Variants in ALS2 observed in about 807,000 individuals in gnomAD.
ALS2 encodes alsin.
ALS2 carries 117 observed loss-of-function variants against 203.4 expected under a neutral mutation model. The observed-to-expected ratio is 0.58, with a 90% CI of 0.50 to 0.67. ALS2 has a LOEUF of 0.67. Among genes scored for constraint, ALS2 ranks in the 30% least tolerant of loss-of-function variants. The probability of loss-of-function intolerance (pLI) is 0.00; values close to 1 mark genes in which losing one functional copy is unlikely to be tolerated. For synonymous variants in ALS2, 718 were observed against 725.9 expected (o/e 0.99, Z 0.17); for missense variants, 1,715 against 1,989.4 (o/e 0.86, Z 2.62).
chr2:201,720,838 T>A (rs957274142), intron 23 of ALS2, among the ~76,000 whole-genome samples: 18 of 152,012 alleles, frequency 1.2e-4, no homozygotes, highest in African/African-American at 4.4e-4. Context: ...CTCTAGCCAG[T>A]GCAACTGGAC....
intron 23 of ALS2, among the ~76,000 whole-genome samples, chr2:201,721,522 G>A (rs571227597): frequency 1.3e-5 from 2 of 152,238 alleles, no homozygotes; most frequent in Admixed American, 1.3e-4. Flanking sequence ...GGTCAACAAA[G>A]GTGCCAAGAT....
intron 11 of ALS2, among the ~76,000 whole-genome samples, chr2:201,740,524 C>G (rs1350708078): frequency 9.0e-6 from 1 of 111,646 alleles, no homozygotes; most frequent in East Asian, 2.2e-4. Context: ...CCAGTAAAAG[C>G]TGGAATCACA....
chr2:201,765,753 T>C (rs75586945), intron 3 of ALS2: 1 of 167,118 alleles, frequency 6.0e-6, no homozygotes, highest in African/African-American at 2.4e-5. Context: ...TAAAGGTACC[T>C]CTATAAATTA....
intron 12 of ALS2, among the ~76,000 whole-genome samples, chr2:201,735,851 T>C (rs115585280): frequency 0.029 from 4,487 of 152,298 alleles, 175 homozygotes; most frequent in African/African-American, 0.096. Context: ...ATTTAAACTG[T>C]CACAAGTCTC....
At chr2:201,755,389 A>C (rs1693321579) in intron 5 of ALS2, among the ~76,000 whole-genome samples, 1 of 151,948 alleles carries the variant, frequency 6.6e-6, no homozygotes, top group Non-Finnish European at 1.5e-5. Context: ...CAGCCTCCTG[A>C]GTAGCTAGGA....
intron 5 of ALS2, among the ~76,000 whole-genome samples, chr2:201,757,161 G>C (rs980722330): frequency 2.0e-5 from 3 of 152,102 alleles, no homozygotes; most frequent in African/African-American, 7.2e-5. Flanking sequence ...AATAAAATAA[G>C]ATTCACAATA....
rs1284281267 is a variant in ALS2, at chr2:201,727,763, G to A, written c.2854C>T (p.His952Tyr). The change falls in exon 16 of 34, where the codon CAT (histidine) becomes TAT (tyrosine). Residue 952 changes from histidine (H) to tyrosine (Y), a missense_variant. This residue lies in a region of ALS2 where 1,227 missense variants were observed against 1,413.5 expected (regional missense o/e 0.87). Transcript: ENST00000264276. ...ALVHAQFSTH[H>Y]VFPLATLWAE... is the part of the protein sequence containing the mutation. ...CACAGCGTGGCCAGAGGGAAAACATGGTGCGTGGAGAACTGAAACAGAGAA... is the reference window on the plus strand; with the variant it reads ...CACAGCGTGGCCAGAGGGAAAACATAGTGCGTGGAGAACTGAAACAGAGAA... 6.4e-7 allele frequency: 1 copy of A among 1,551,654 alleles called. No homozygotes were observed. The highest frequency in any genetic ancestry group is 1.2e-5 in the South Asian group (1 of 84,062).
intron 1 of ALS2, among the ~76,000 whole-genome samples, chr2:201,769,249 T>A (rs1337237309): frequency 1.3e-5 from 2 of 152,152 alleles, no homozygotes; most frequent in African/African-American, 4.8e-5. Flanking sequence ...AAAAGTTCAA[T>A]CTGAAAAATC....
At chr2:201,741,531 T>C (rs1574741382) in intron 11 of ALS2, 143 bp downstream of exon 11, 1 of 872,152 alleles carries the variant, frequency 1.1e-6, no homozygotes, top group Non-Finnish European at 1.8e-6. Flanking sequence ...AGAACTATAG[T>C]TGGCTTAAGA....
intron 10 of ALS2, among the ~76,000 whole-genome samples, chr2:201,742,096 T>TA (rs1254523290): frequency 3.9e-5 from 6 of 152,132 alleles, no homozygotes; most frequent in Admixed American, 1.3e-4. Flanking sequence ...CTTTTTCTGT[T>TA]AAAAAAGACT....
chr2:201,718,582 A>G (rs1245644797), intron 23 of ALS2, among the ~76,000 whole-genome samples: 1 of 152,126 alleles, frequency 6.6e-6, no homozygotes, highest in East Asian at 1.9e-4. Flanking sequence ...AAATCAAGAG[A>G]AAAAAAGCAC....
In ALS2 at chr2:201,723,062, T is replaced by C; in HGVS notation, c.3683A>G (p.Asp1228Gly). ...TCCAACCTTTCCACTAAGAGTCCAG[T>C]CATCTGAAAATTCTCCTTCATAGAT... ...DTIYEGEFSD[D>G]WTLSGKGTLT... is the part of the protein sequence containing the mutation. Residue 1228 changes from aspartate to glycine, a missense_variant, in exon 23 of 34, where the codon GAC becomes GGC. Asp to Gly is a moderately conservative substitution (Grantham distance 94). Around this residue, in one of 3 missense-constraint regions of ALS2, gnomAD observed 1,227 missense variants for 1,413.5 expected, o/e 0.87. Coordinates refer to ENST00000264276, the MANE Select transcript of ALS2 (RefSeq NM_020919.4). The C allele has an allele frequency of 6.2e-7, 1 of 1,612,570 alleles. No individual in the cohort carries two copies. The highest frequency in any genetic ancestry group is 8.5e-7 in the Non-Finnish European group (1 of 1,179,010).
At chr2:201,761,950 G>A in intron 3 of ALS2, 132 bp from the exon 4 acceptor site, 1 of 987,518 alleles carries the variant, frequency 1.0e-6, no homozygotes, top group Non-Finnish European at 1.5e-6. Flanking sequence ...AAAAGCAGTT[G>A]TAGAAATCTG....
In ALS2 at chr2:201,771,080, CTT is replaced by C. The variant is rs756348349; in HGVS notation, c.-60-2137_-60-2136del. ...TTTTTTTTTGAGACGGAGTTTTGCT[CTT>C]GTCACCCAGGCTGGAGTGCAATGGC... is the stretch of plus-strand genomic sequence containing the variant. On this transcript the variant is annotated intron_variant, in intron 1 of 33. Transcript: ENST00000264276. Among the ~76,000 whole-genome samples the C allele has an allele frequency of 5.3e-5, 6 of 113,932 alleles. No individual in the cohort carries two copies. The East Asian group carries it at 7.7e-4, about 15-fold the overall frequency. 74.7% of individuals were successfully genotyped at this position (113,932 alleles called of 152,430 possible). A position where few individuals can be genotyped will look rare whatever the true frequency, so the allele number is the denominator to read the frequency against.
Position 201,723,337 on chromosome 2 carries a change from T to C in ALS2, c.3617A>G (p.Lys1206Arg). The change falls in exon 22 of 34, where the codon AAA becomes AGA. Residue 1206 changes from lysine (K) to arginine (R), a missense_variant. Physicochemically the swap from Lys to Arg is conservative, Grantham distance 26. Transcript: ENST00000264276. ...LYYEGNFHLN[K>R]MMGNGVLLSE... is the part of the protein sequence containing the mutation. ...TGCAAATATTCCACTCACCATCATT[T>C]TATTAAGGTGAAAGTTGCCCTCGTA... is the stretch of plus-strand genomic sequence containing the variant. 1 of 1,605,282 alleles carries C rather than the reference T, an allele frequency of 6.2e-7. No individual in the cohort carries two copies. The highest frequency in any genetic ancestry group is 1.1e-5 in the South Asian group (1 of 90,872).
rs778057766 is a variant in ALS2, at chr2:201,728,545, G to A, written c.2808C>T (p.Phe936=). The part of the protein sequence containing the change: ...QHAGRFSVNW[F]ILFNDALVHA... ...GGACCAGGGCATCATTAAAGAGAATGAACCAATTCACGGAAAACCTCCCAG... is the reference window on the plus strand; with the variant it reads ...GGACCAGGGCATCATTAAAGAGAATAAACCAATTCACGGAAAACCTCCCAG... The change falls in exon 15 of 34, where the codon TTC becomes TTT. Residue 936 remains phenylalanine (F), a synonymous_variant. Transcript: ENST00000264276. The A allele has an allele frequency of 6.2e-7, 1 of 1,614,130 alleles. No individual in the cohort carries two copies. The highest frequency in any genetic ancestry group is 8.5e-7 in the Non-Finnish European group (1 of 1,180,030).
intron 23 of ALS2, among the ~76,000 whole-genome samples, chr2:201,721,267 C>T (rs1690776749): frequency 6.6e-6 from 1 of 152,206 alleles, no homozygotes; most frequent in Non-Finnish European, 1.5e-5. Context: ...AATGCAATCT[C>T]TATCAAAATC....
rs1314845236 is a variant in ALS2 at position 201,724,439 on chromosome 2, A to T, written c.3368T>A (p.Phe1123Tyr). ...CATATTATCTTGAAAACAGCCCTCA[A>T]ATACTTCACCAGAAGCATAGCTGTG... is the stretch of plus-strand genomic sequence containing the variant. ...GVYSYASGEVFEGCFQDNMRH... is the reference protein window; with the variant it reads ...GVYSYASGEVYEGCFQDNMRH... The change falls in exon 21 of 34, where the codon TTT (phenylalanine) becomes TAT (tyrosine). Residue 1123 changes from phenylalanine to tyrosine, a missense_variant. Transcript: ENST00000264276. 1 of 1,614,144 alleles carries T rather than the reference A, an allele frequency of 6.2e-7. No individual in the cohort carries two copies. The highest frequency in any genetic ancestry group is 1.7e-5 in the Admixed American group (1 of 60,028).
At chr2:201,729,520 A>G (rs1691412775) in intron 13 of ALS2, among the ~76,000 whole-genome samples, 1 of 152,118 alleles carries the variant, frequency 6.6e-6, no homozygotes, top group Non-Finnish European at 1.5e-5. Context: ...GACTGTATCT[A>G]TTGATATTTA....
Sources: gnomAD v4.1 joint callset for allele counts (sites outside exome capture counted in the v4.1 genomes callset) on GRCh38, gnomAD v4.1.1 for gene constraint, gnomAD v4.1.1 regional missense constraint, MANE v1.5 for transcripts, NCBI Gene and HGNC (gene_info 2026-07-23, HGNC 2026-07-21) for gene names.